Variants in PDE1C observed in about 807,000 individuals in gnomAD.
The protein encoded by PDE1C is dual specificity calcium/calmodulin-dependent 3',5'-cyclic nucleotide phosphodiesterase 1C.
PDE1C carries 62 observed loss-of-function variants against 93.1 expected under a neutral mutation model. That is an observed-to-expected ratio of 0.67 (90% CI 0.54 to 0.82). The LOEUF (loss-of-function observed/expected upper bound fraction) is 0.82, where lower values mean the gene tolerates loss of function less well. Among genes scored for constraint, PDE1C ranks in the 40% least tolerant of loss-of-function variants. The pLI is 0.00. For synonymous variants in PDE1C, 325 were observed against 310.1 expected, an observed-to-expected ratio of 1.05 and a Z score of -0.50; for missense variants, 742 against 884.6, an observed-to-expected ratio of 0.84 and a Z score of 2.04.
chr7:32,024,763 A>G (rs1789178020), intron 2 of PDE1C, among the ~76,000 whole-genome samples: 1 of 152,134 alleles, frequency 6.6e-6, no homozygotes, highest in African/African-American at 2.4e-5. Flanking sequence ...ACAGGGCTGA[A>G]ATGTTGTAGC....
intron 1 of PDE1C, among the ~76,000 whole-genome samples, chr7:32,226,008 A>C (rs918417096): frequency 1.3e-5 from 2 of 152,184 alleles, no homozygotes; most frequent in Non-Finnish European, 1.5e-5. Context: ...CAGTGAGCCA[A>C]GTTCATGCCA....
At chr7:31,962,488 C>A (rs1451623955) in intron 2 of PDE1C, among the ~76,000 whole-genome samples, 2 of 152,162 alleles carry the variant, frequency 1.3e-5, no homozygotes, top group Non-Finnish European at 2.9e-5. Flanking sequence ...CAACTGCTAT[C>A]CCTACAGGCC....
At chr7:32,315,501 A>C (rs1447251975) in intron 1 of PDE1C, among the ~76,000 whole-genome samples, 1 of 152,192 alleles carries the variant, frequency 6.6e-6, no homozygotes, top group Non-Finnish European at 1.5e-5. Flanking sequence ...CAGCAAGTTC[A>C]AGTTTGTTCT....
intron 3 of PDE1C, among the ~76,000 whole-genome samples, chr7:32,132,539 G>A (rs897056027): frequency 6.6e-6 from 1 of 152,076 alleles, no homozygotes; most frequent in South Asian, 2.1e-4. Flanking sequence ...GGTGGCACAT[G>A]CCTATAGTCC....
chr7:31,680,771 A>G, the PDE1C span, among the ~76,000 whole-genome samples: 3 of 152,170 alleles, frequency 2.0e-5, no homozygotes, highest in Admixed American at 2.0e-4. Context: ...CAGGACCCAG[A>G]GGCTGGACAA....
chr7:32,122,672 C>A (rs1799361703), intron 3 of PDE1C, among the ~76,000 whole-genome samples: 1 of 152,094 alleles, frequency 6.6e-6, no homozygotes, highest in Non-Finnish European at 1.5e-5. Context: ...CCAATGAAAA[C>A]AAATACACAG....
intron 1 of PDE1C, among the ~76,000 whole-genome samples, chr7:32,375,547 GA>G (rs952721965): frequency 6.6e-6 from 1 of 152,232 alleles, no homozygotes; most frequent in East Asian, 1.9e-4. Context: ...CTTCTGGGTA[GA>G]GGCCAGAAAT....
chr7:32,216,937 C>T (rs1269241009), intron 1 of PDE1C, among the ~76,000 whole-genome samples: 2 of 151,982 alleles, frequency 1.3e-5, no homozygotes, highest in Non-Finnish European at 2.9e-5. Flanking sequence ...GAGGAGGGTA[C>T]CAGCCTGCAG....
intron 2 of PDE1C, among the ~76,000 whole-genome samples, chr7:32,184,804 A>C (rs2128815468): frequency 6.6e-6 from 1 of 152,232 alleles, no homozygotes; most frequent in East Asian, 1.9e-4. Context: ...ATAAAAAATA[A>C]AATAAAATAA....
chr7:32,205,598 GC>G (rs1410916832), intron 2 of PDE1C, among the ~76,000 whole-genome samples: 6 of 131,440 alleles, frequency 4.6e-5, no homozygotes, highest in Non-Finnish European at 8.7e-5. Flanking sequence ...ATAAAAGCAG[GC>G]CAACCCCCCA....
intron 1 of PDE1C, among the ~76,000 whole-genome samples, chr7:32,240,496 G>A (rs1808465619): frequency 6.6e-6 from 1 of 152,130 alleles, no homozygotes; most frequent in African/African-American, 2.4e-5. Context: ...CAGGGTTAAG[G>A]GTATAGAGAG....
intron 2 of PDE1C, among the ~76,000 whole-genome samples, chr7:31,985,750 T>G (rs1783315546): frequency 1.3e-5 from 2 of 149,424 alleles, no homozygotes; most frequent in African/African-American, 5.2e-5. Context: ...AGGACATGAA[T>G]TCATCTTTTT....
intron 1 of PDE1C, among the ~76,000 whole-genome samples, chr7:32,409,946 A>G (rs757389081): frequency 1.8e-4 from 28 of 152,034 alleles, no homozygotes; most frequent in Non-Finnish European, 2.9e-4. Flanking sequence ...AAGAAGGCTC[A>G]CTCTCACCAC....
the PDE1C span, among the ~76,000 whole-genome samples, chr7:31,654,065 A>G: frequency 6.6e-6 from 1 of 152,064 alleles, no homozygotes; most frequent in Non-Finnish European, 1.5e-5. Context: ...AAAAAAAAAA[A>G]AAAAAAACCA....
At chr7:31,916,735 A>T (rs1286821168) in intron 2 of PDE1C, among the ~76,000 whole-genome samples, 1 of 152,172 alleles carries the variant, frequency 6.6e-6, no homozygotes, top group African/African-American at 2.4e-5. Flanking sequence ...CATTTGGGAG[A>T]GCTAGACAAA....
At chr7:31,651,025 C>A in the PDE1C span, 1 of 1,098,152 alleles carries the variant, frequency 9.1e-7, no homozygotes, top group Non-Finnish European at 1.3e-6. Flanking sequence ...CTTATATTAG[C>A]AGTAGGGCCT....
chr7:31,903,315 T>C (rs1248177339), intron 2 of PDE1C, among the ~76,000 whole-genome samples: 1 of 151,982 alleles, frequency 6.6e-6, no homozygotes, highest in African/African-American at 2.4e-5. Flanking sequence ...TGAAGTTGTA[T>C]GGAATGCTCA....
chr7:32,194,168 C>T (rs1804444469), intron 2 of PDE1C, among the ~76,000 whole-genome samples: 1 of 152,140 alleles, frequency 6.6e-6, no homozygotes. Context: ...CCCGCCTCGG[C>T]CTCCCAAAGT....
chr7:32,014,074 G>T (rs1258688601), intron 2 of PDE1C, among the ~76,000 whole-genome samples: 1 of 152,230 alleles, frequency 6.6e-6, no homozygotes, highest in Non-Finnish European at 1.5e-5. Context: ...GGGTGGCCCT[G>T]TGGGGTTATG....
Sources: gnomAD v4.1 joint callset for allele counts (sites outside exome capture counted in the v4.1 genomes callset) on GRCh38, gnomAD v4.1.1 for gene constraint, MANE v1.5 for transcripts, NCBI Gene and HGNC (gene_info 2026-07-23, HGNC 2026-07-21) for gene names.